Variants in SCARF1 observed in about 807,000 individuals in gnomAD.
SCARF1 encodes the protein scavenger receptor class F member 1.
SCARF1 carries 49 observed loss-of-function variants against 76.3 expected under a neutral mutation model. The observed-to-expected ratio is 0.64, with a 90% CI of 0.51 to 0.81. The LOEUF is 0.81. Among genes scored for constraint, SCARF1 ranks in the 40% least tolerant of loss-of-function variants. The probability of loss-of-function intolerance (pLI) is 0.00; values close to 1 mark genes in which losing one functional copy is unlikely to be tolerated. For synonymous variants in SCARF1, 495 were observed against 474.6 expected, an observed-to-expected ratio of 1.04 and a Z score of -0.56; for missense variants, 1,098 against 1,143.9, an observed-to-expected ratio of 0.96 and a Z score of 0.58.
Position 1,635,550 on chromosome 17 carries a change from A to C in SCARF1, c.1701T>G (p.Pro567=), listed in dbSNP as rs1212201316. The C allele has an allele frequency of 6.2e-7, 1 of 1,612,148 alleles. No individual in the cohort carries two copies. The highest frequency in any genetic ancestry group is 1.1e-5 in the South Asian group (1 of 91,068). Residue 567 remains proline, a synonymous_variant, in exon 11 of 11, where the codon CCT becomes CCG. Coordinates refer to ENST00000263071, the MANE Select transcript of SCARF1 (RefSeq NM_003693.4). ...ASLAAGAFPP[P]EDASTPFAIP... ...TGGCGAATGGCGTGGAGGCGTCCTC[A>C]GGGGGCGGGAAAGCACCTGCAGCCA...
intron 7 of SCARF1, 111 bp from the exon 8 acceptor site, chr17:1,639,037 C>T (rs1909824844): frequency 7.6e-6 from 9 of 1,189,376 alleles, no homozygotes; most frequent in Non-Finnish European, 8.1e-6. Flanking sequence ...TCACTCCCTG[C>T]CTCCGGGCAG....
rs199807550 is a variant in SCARF1 at position 1,635,333 on chromosome 17, C to T, written c.1918G>A (p.Glu640Lys). The part of the protein sequence containing the change: ...REAEESTGPE[E>K]AEAPESFPAA... ...GGAAAGGACTCGGGGGCTTCTGCTTCCTCTGGGCCTGTGGACTCTTCGGCT... is the reference window on the plus strand; with the variant it reads ...GGAAAGGACTCGGGGGCTTCTGCTTTCTCTGGGCCTGTGGACTCTTCGGCT... Residue 640 changes from glutamate (E) to lysine (K), a missense_variant, in exon 11 of 11, where the codon GAA becomes AAA. Transcript: ENST00000263071. 40 of 1,612,812 alleles carry T rather than the reference C, an allele frequency of 2.5e-5. No homozygotes were observed. The highest frequency in any genetic ancestry group is 3.0e-5 in the Non-Finnish European group (35 of 1,179,360).
rs144257456 is a variant in SCARF1, at chr17:1,635,000, C to T, written c.2251G>A (p.Gly751Ser). Residue 751 changes from glycine to serine, a missense_variant, in exon 11 of 11, where the codon GGC becomes AGC. Gly to Ser is a moderately conservative substitution (Grantham distance 56). Coordinates refer to ENST00000263071, the MANE Select transcript of SCARF1 (RefSeq NM_003693.4). ...TTTGGGGCTGAGTTGGGGCTCTGGC[C>T]GACAGAGCCAGAGGCAAGGCCAGGG... Reference protein sequence around the residue: ...GSPGLASGSVGQSPNSAPKAG... With the variant: ...GSPGLASGSVSQSPNSAPKAG... The T allele has an allele frequency of 1.4e-5, 22 of 1,613,834 alleles. No homozygotes were observed. The Admixed American group carries it at 1.5e-4, about 11-fold the overall frequency.
At chr17:1,636,679 C>T (rs2151093868) in intron 10 of SCARF1, 30 bp downstream of exon 10, 1 of 1,610,786 alleles carries the variant, frequency 6.2e-7, no homozygotes, top group Non-Finnish European at 8.5e-7. Flanking sequence ...CAGGGCTGCT[C>T]AGGGGCTATG....
rs773701465 is a variant in SCARF1, at chr17:1,637,036, G to C, written c.1391C>G (p.Ser464Cys). The change falls in exon 9 of 11, where the codon TCC becomes TGC. Residue 464 changes from serine (S) to cysteine (C), a missense_variant. By Grantham distance (112) the Ser-to-Cys change is moderately radical. Coordinates refer to ENST00000263071, the MANE Select transcript of SCARF1 (RefSeq NM_003693.4). ...CCCCCAGACCTGCAGCTTCATCCTG[G>C]ACACGGTAGCTCCATCTCTCGCTGG... ...DRPARDGATV[S>C]RMKLQVWGTL... is the part of the protein sequence containing the mutation. 6.8e-6 allele frequency: 11 copies of C among 1,614,010 alleles called. No homozygotes were observed. The highest frequency in any genetic ancestry group is 9.3e-6 in the Non-Finnish European group (11 of 1,180,024).
rs201667370 is a variant in SCARF1 at position 1,635,053 on chromosome 17, C to A, written c.2198G>T (p.Arg733Leu). The change falls in exon 11 of 11, where the codon CGC (arginine) becomes CTC (leucine). Residue 733 changes from arginine to leucine, a missense_variant. Transcript: ENST00000263071. ...GCCCTTTTTCCGATTCAGGGCCTGG[C>A]GCGGAGGCTTAGGGATGGCCCTCTT... The part of the protein sequence containing the change: ...KVKRAIPKPP[R>L]QALNRKKGSP... 1 of 1,612,450 alleles carries A rather than the reference C, an allele frequency of 6.2e-7. No homozygotes were observed. The highest frequency in any genetic ancestry group is 8.5e-7 in the Non-Finnish European group (1 of 1,178,588).
Position 1,640,764 on chromosome 17 carries a change from G to A in SCARF1, c.792-98C>T. The A allele has an allele frequency of 3.3e-6, 4 of 1,194,802 alleles. No homozygotes were observed. The highest frequency in any genetic ancestry group is 4.8e-6 in the Non-Finnish European group (4 of 832,126). The allele number at this position is 1,194,802 out of a possible 1,614,324, so 74.0% of individuals were successfully genotyped here. Reference sequence around the variant, plus strand: ...CTCCACGCAGGCCTTCGGGGGCCCTGGAGAGTGTTCGGGTCCCACCTGGGT... The same window carrying A: ...CTCCACGCAGGCCTTCGGGGGCCCTAGAGAGTGTTCGGGTCCCACCTGGGT... On this transcript the variant is annotated intron_variant, in intron 4 of 10. Coordinates refer to ENST00000263071, the MANE Select transcript of SCARF1 (RefSeq NM_003693.4). This position sits in a 1 kb window ranked among gnomAD's most constrained non-coding sequence, Gnocchi z 4.7.
chr17:1,642,914 A>T (rs1385060059), intron 4 of SCARF1, among the ~76,000 whole-genome samples: 1 of 151,924 alleles, frequency 6.6e-6, no homozygotes, highest in East Asian at 1.9e-4. Flanking sequence ...GTTGGCCAGG[A>T]TGGTCTCGAA....
At chr17:1,638,783 G>T in intron 8 of SCARF1, 23 bp downstream of exon 8, 1 of 1,592,616 alleles carries the variant, frequency 6.3e-7, no homozygotes, top group Non-Finnish European at 8.6e-7. Flanking sequence ...AGCTGTGTGG[G>T]GAAGGGACGG....
intron 10 of SCARF1, 123 bp downstream of exon 10, chr17:1,636,586 C>G (rs554014526): frequency 7.7e-6 from 9 of 1,171,904 alleles, no homozygotes; most frequent in Middle Eastern, 2.9e-4. Context: ...GCACTCCAGC[C>G]TGGCGACAGA....
rs1020186461 is a variant in SCARF1 at position 1,643,729 on chromosome 17, C to G, written c.504G>C (p.Ala168=). 24 of 1,329,482 alleles carry G rather than the reference C, an allele frequency of 1.8e-5. No individual in the cohort carries two copies. The highest frequency in any genetic ancestry group is 2.2e-5 in the Non-Finnish European group (23 of 1,047,176). 82.4% of individuals were successfully genotyped at this position (1,329,482 alleles called of 1,614,324 possible). The change falls in exon 4 of 11, where the codon GCG becomes GCC. Residue 168 remains alanine, a synonymous_variant. Coordinates refer to ENST00000263071, the MANE Select transcript of SCARF1 (RefSeq NM_003693.4). The part of the protein sequence containing the change: ...TCRRPCQCNT[A]AARCEQATGA... ...CCGTGGCCTGCTCGCAGCGCGCCGC[C>G]GCGGTGTTGCACTGGCACGGGCGGC...
chr17:1,642,419 G>A (rs909102277), intron 4 of SCARF1, among the ~76,000 whole-genome samples: 2 of 144,260 alleles, frequency 1.4e-5, no homozygotes, highest in Non-Finnish European at 3.0e-5. Flanking sequence ...CCACCTATGA[G>A]TGAGAATATG....
intron 10 of SCARF1, among the ~76,000 whole-genome samples, chr17:1,636,319 C>T (rs1052531598): frequency 3.9e-5 from 6 of 152,218 alleles, no homozygotes; most frequent in African/African-American, 1.4e-4. Flanking sequence ...AGAACAGTGA[C>T]TAACACAAAA....
chr17:1,639,817 T>C, intron 6 of SCARF1, 75 bp from the exon 7 acceptor site: 1 of 1,601,836 alleles, frequency 6.2e-7, no homozygotes, highest in Non-Finnish European at 8.5e-7. Context: ...GGCAGGGAGA[T>C]TTCTGGGCAC....
In SCARF1 at chr17:1,645,200, C is replaced by T. The variant is rs775392275; in HGVS notation, c.141G>A (p.Gln47=). 2 of 1,613,744 alleles carry T rather than the reference C, an allele frequency of 1.2e-6. No homozygotes were observed. Among genetic ancestry groups the T allele is most frequent in the Non-Finnish European group, 1.7e-6 (2 of 1,179,980 alleles). The change falls in exon 2 of 11, where the codon CAG becomes CAA. Residue 47 remains glutamine, a synonymous_variant. Transcript: ENST00000263071. The surrounding 1 kb of genome is among the most constrained non-coding windows in gnomAD (Gnocchi z 6.3). Reference sequence around the variant, plus strand: ...CACGGATGGTGCATTCTTGATCCTTCTGCCTCCAGCCTGCGCAGCACTGCA... The same window carrying T: ...CACGGATGGTGCATTCTTGATCCTTTTGCCTCCAGCCTGCGCAGCACTGCA... The part of the protein sequence containing the change: ...AELQCCAGWR[Q]KDQECTIPIC...
In SCARF1 at chr17:1,635,527, G is replaced by A. The variant is rs1417511208; in HGVS notation, c.1724C>T (p.Ala575Val). ...AGCTAGGCTGGAGGTGCGCGGGATG[G>A]CGAATGGCGTGGAGGCGTCCTCAGG... ...PPPEDASTPF[A>V]IPRTSSLARA... The change falls in exon 11 of 11, where the codon GCC (alanine) becomes GTC (valine). Residue 575 changes from alanine (A) to valine (V), a missense_variant. Coordinates refer to ENST00000263071, the MANE Select transcript of SCARF1 (RefSeq NM_003693.4). 2 of 1,613,664 alleles carry A rather than the reference G, an allele frequency of 1.2e-6. No homozygotes were observed. Among genetic ancestry groups the A allele is most frequent in the Admixed American group, 1.7e-5 (1 of 60,024 alleles).
chr17:1,640,678 A>C lies in SCARF1; in HGVS notation c.792-12T>G, dbSNP rs759203475. ...TGCAGCGGCCACAGCTGGGAAGAGAAGGGCTTCGTGGGAACAGTGGGGGTG... is the reference window on the plus strand; with the variant it reads ...TGCAGCGGCCACAGCTGGGAAGAGACGGGCTTCGTGGGAACAGTGGGGGTG... On this transcript the variant is annotated splice_polypyrimidine_tract_variant and intron_variant, in intron 4 of 10. Transcript: ENST00000263071. This position sits in a 1 kb window ranked among gnomAD's most constrained non-coding sequence, Gnocchi z 4.7. The C allele has an allele frequency of 3.7e-6, 6 of 1,607,938 alleles. No individual in the cohort carries two copies. The highest frequency in any genetic ancestry group is 3.4e-5 in the Admixed American group (2 of 59,598).
chr17:1,639,506 A>AG (rs1282279201), intron 7 of SCARF1, 133 bp downstream of exon 7: 2 of 635,718 alleles, frequency 3.1e-6, no homozygotes, highest in Admixed American at 2.9e-5. Flanking sequence ...CCTCGTCTTA[A>AG]GGGAAAAAAA....
At chr17:1,642,617 G>A (rs1245781271) in intron 4 of SCARF1, among the ~76,000 whole-genome samples, 5 of 152,036 alleles carry the variant, frequency 3.3e-5, no homozygotes, top group Non-Finnish European at 7.4e-5. Context: ...ACCTACATAT[G>A]GCTTGCTAGC....
Sources: allele counts gnomAD v4.1 joint callset (sites outside exome capture counted in the v4.1 genomes callset), GRCh38; gene constraint gnomAD v4.1.1; non-coding constraint Gnocchi (gnomAD v3.1); transcripts MANE v1.5; gene names NCBI Gene and HGNC (gene_info 2026-07-23, HGNC 2026-07-21).